Variants in IFNLR1 observed in about 807,000 individuals in gnomAD.
IFNLR1 encodes CRF2-12.
IFNLR1 carries 28 observed loss-of-function variants against 52.5 expected under a neutral mutation model. The ratio of observed to expected loss-of-function variants is 0.53; its 90% CI spans 0.40 to 0.73. IFNLR1 has a LOEUF of 0.73. Among genes scored for constraint, IFNLR1 ranks in the 30% least tolerant of loss-of-function variants. IFNLR1 has a pLI of 0.00. For synonymous variants in IFNLR1, 276 were observed against 274.9 expected, an observed-to-expected ratio of 1.00 and a Z score of -0.04; for missense variants, 623 against 659.1, an observed-to-expected ratio of 0.95 and a Z score of 0.60.
At chr1:24,168,094 A>G (rs1416927922) in intron 3 of IFNLR1, among the ~76,000 whole-genome samples, 6 of 151,920 alleles carry the variant, frequency 3.9e-5, no homozygotes, top group African/African-American at 1.5e-4. Flanking sequence ...CTATCCACAC[A>G]TATTTCCTTC....
chr1:24,159,491 A>C lies in IFNLR1; in HGVS notation c.653T>G (p.Phe218Cys). ...KYSKFSKPTCFLLEVPEANWA... is the reference protein window; with the variant it reads ...KYSKFSKPTCCLLEVPEANWA... Reference sequence around the variant, plus strand: ...ATACCCACCTGGGACCTCCAGCAAGAAGCAGGTGGGCTTAGAGAACTTGCT... The same window carrying C: ...ATACCCACCTGGGACCTCCAGCAAGCAGCAGGTGGGCTTAGAGAACTTGCT... Residue 218 changes from phenylalanine (F) to cysteine (C), a missense_variant, in exon 5 of 7, where the codon TTC becomes TGC. Transcript: ENST00000327535. 1.2e-6 allele frequency: 2 copies of C among 1,614,164 alleles called. No individual in the cohort carries two copies. Among genetic ancestry groups the C allele is most frequent in the African/African-American group, 2.7e-5 (2 of 75,052 alleles).
At chr1:24,185,908 G>C (rs559164167) in intron 1 of IFNLR1, among the ~76,000 whole-genome samples, 2 of 152,344 alleles carry the variant, frequency 1.3e-5, no homozygotes, top group South Asian at 4.1e-4. Context: ...TGCTTCCATG[G>C]AAAGGGCGCT....
chr1:24,187,154 C>A, intron 1 of IFNLR1, 37 bp downstream of exon 1: 1 of 1,317,084 alleles, frequency 7.6e-7, no homozygotes, highest in Non-Finnish European at 9.9e-7. Flanking sequence ...CCCGGGGAGC[C>A]CTCTTCCCCC....
chr1:24,155,803 T>C lies in IFNLR1; in HGVS notation c.*1327A>G, dbSNP rs991204863. The C allele has an allele frequency of 2.0e-5, 3 of 152,244 alleles. No homozygotes were observed. The highest frequency in any genetic ancestry group is 4.4e-5 in the Non-Finnish European group (3 of 68,058). The allele number at this position is 152,244 out of a possible 1,614,324, so 9.4% of individuals were successfully genotyped here. A position where few individuals can be genotyped will look rare whatever the true frequency, so the allele number is the denominator to read the frequency against. ...GGCCACAGAGCCAAGGTTGTTCAGATACTCCACCACAAAACACTTCGGTCC... is the reference window on the plus strand; with the variant it reads ...GGCCACAGAGCCAAGGTTGTTCAGACACTCCACCACAAAACACTTCGGTCC... On this transcript the variant is annotated 3_prime_UTR_variant, in exon 7 of 7. Coordinates refer to ENST00000327535, the MANE Select transcript of IFNLR1 (RefSeq NM_170743.4).
rs910948128 is a variant in IFNLR1 at position 24,157,980 on chromosome 1, C to G, written c.802-89G>C. The G allele has an allele frequency of 9.6e-6, 12 of 1,244,400 alleles. No individual in the cohort carries two copies. In the African/African-American group the frequency reaches 1.7e-4, roughly 17 times the overall value. The allele number at this position is 1,244,400 out of a possible 1,614,324, so 77.1% of individuals were successfully genotyped here. ...TCTGAATTCCCCTAGAAACAGACCT[C>G]AGACAAGGCTTCAAGTGTAAGCAGT... On this transcript the variant is annotated intron_variant, in intron 6 of 6. Coordinates refer to ENST00000327535, the MANE Select transcript of IFNLR1 (RefSeq NM_170743.4). This position sits in a 1 kb window ranked among gnomAD's most constrained non-coding sequence, Gnocchi z 5.1.
intron 1 of IFNLR1, among the ~76,000 whole-genome samples, chr1:24,182,918 C>CAAAT (rs373444078): frequency 2.7e-3 from 405 of 150,206 alleles, no homozygotes; most frequent in Non-Finnish European, 2.3e-3. Context: ...GACTCCATCT[C>CAAAT]AAATAAATAA....
chr1:24,179,912 G>A (rs1467680222), intron 2 of IFNLR1, among the ~76,000 whole-genome samples: 2 of 152,286 alleles, frequency 1.3e-5, no homozygotes, highest in Admixed American at 1.3e-4. Context: ...ATCTATGTTC[G>A]AAGATGGTGG....
At chr1:24,161,427 C>T in intron 4 of IFNLR1, 115 bp downstream of exon 4, 2 of 1,207,790 alleles carry the variant, frequency 1.7e-6, no homozygotes, top group Non-Finnish European at 2.4e-6. Flanking sequence ...CAGGAGTGTA[C>T]AGGGAAGACT....
intron 4 of IFNLR1, among the ~76,000 whole-genome samples, chr1:24,160,927 T>G (rs1644436007): frequency 6.6e-6 from 1 of 151,822 alleles, no homozygotes; most frequent in African/African-American, 2.4e-5. Context: ...TTTCACCATG[T>G]TCCCCAGGCT....
chr1:24,183,505 T>C (rs1386737162), intron 1 of IFNLR1, among the ~76,000 whole-genome samples: 1 of 152,198 alleles, frequency 6.6e-6, no homozygotes, highest in African/African-American at 2.4e-5. Flanking sequence ...GAGTTTCGCC[T>C]GAGCCCAGGA....
chr1:24,169,214 CT>C (rs1644552054), intron 3 of IFNLR1, among the ~76,000 whole-genome samples: 1 of 152,214 alleles, frequency 6.6e-6, no homozygotes, highest in Non-Finnish European at 1.5e-5. Context: ...TGGAGCTCCC[CT>C]AACTCCCTGA....
At chr1:24,186,561 C>T (rs1403535620) in intron 1 of IFNLR1, among the ~76,000 whole-genome samples, 1 of 152,116 alleles carries the variant, frequency 6.6e-6, no homozygotes, top group Non-Finnish European at 1.5e-5. Flanking sequence ...TCTGGACCTT[C>T]TCTTCCCTGC....
intron 3 of IFNLR1, among the ~76,000 whole-genome samples, chr1:24,168,034 T>A (rs549015175): frequency 6.6e-6 from 1 of 152,278 alleles, no homozygotes; most frequent in East Asian, 1.9e-4. Context: ...TCCTATTGGT[T>A]CAGTTTCTCT....
rs1644399153 is a variant in IFNLR1 at position 24,157,802 on chromosome 1, T to G, written c.891A>C (p.Glu297Asp). The G allele has an allele frequency of 6.2e-7, 1 of 1,613,990 alleles. No homozygotes were observed. Among genetic ancestry groups the G allele is most frequent in the Admixed American group, 1.7e-5 (1 of 59,986 alleles). Residue 297 changes from glutamate (E) to aspartate (D), a missense_variant, in exon 7 of 7, where the codon GAA becomes GAC. By Grantham distance (45) the Glu-to-Asp change is conservative. Coordinates refer to ENST00000327535, the MANE Select transcript of IFNLR1 (RefSeq NM_170743.4). The surrounding 1 kb of genome is among the most constrained non-coding windows in gnomAD (Gnocchi z 5.1). ...GCGTCGGCCTGACCCCTCTGGTCAG[T>G]TCCTTTTGGGGACAGAGGAACAAGT... ...VNDLFLCPQK[E>D]LTRGVRPTPR... is the part of the protein sequence containing the mutation.
In IFNLR1 at chr1:24,169,554, G is replaced by A. The variant is rs1336256769; in HGVS notation, c.230C>T (p.Thr77Ile). ...CATCATAGAACATAGCAGCTCCTTGGTTCCCGCACACTCTTCCACTTCGCG... is the reference window on the plus strand; with the variant it reads ...CATCATAGAACATAGCAGCTCCTTGATTCCCGCACACTCTTCCACTTCGCG... ...RWREVEECAG[T>I]KELLCSMMCL... The change falls in exon 3 of 7, where the codon ACC becomes ATC. Residue 77 changes from threonine to isoleucine, a missense_variant. Physicochemically the swap from Thr to Ile is moderately conservative, Grantham distance 89 (BLOSUM62 -1). Coordinates refer to ENST00000327535, the MANE Select transcript of IFNLR1 (RefSeq NM_170743.4). The A allele has an allele frequency of 3.7e-6, 6 of 1,614,056 alleles. No homozygotes were observed. The African/African-American group carries it at 6.7e-5, about 18-fold the overall frequency.
At chr1:24,161,123 C>A (rs753124832) in intron 4 of IFNLR1, among the ~76,000 whole-genome samples, 1 of 152,182 alleles carries the variant, frequency 6.6e-6, no homozygotes, top group East Asian at 1.9e-4. Context: ...TAGTCCTGAG[C>A]GAACATACGG....
intron 3 of IFNLR1, among the ~76,000 whole-genome samples, chr1:24,163,286 C>T (rs1644484207): frequency 1.3e-5 from 2 of 152,128 alleles, no homozygotes; most frequent in Non-Finnish European, 1.5e-5. Flanking sequence ...TAAACACACT[C>T]CCGCAAGACT....
intron 3 of IFNLR1, among the ~76,000 whole-genome samples, chr1:24,164,815 T>G (rs1644502188): frequency 1.3e-5 from 2 of 149,626 alleles, no homozygotes. Context: ...CAGGCTGGAG[T>G]GCAGTGGCAT....
In IFNLR1 at chr1:24,159,201, C is replaced by G; in HGVS notation, c.671-19G>C. The G allele has an allele frequency of 6.2e-7, 1 of 1,613,646 alleles. No individual in the cohort carries two copies. The highest frequency in any genetic ancestry group is 8.5e-7 in the Non-Finnish European group (1 of 1,179,710). On this transcript the variant is annotated intron_variant, in intron 5 of 6. Transcript: ENST00000327535. Reference sequence around the variant, plus strand: ...TTGGCTTCTAAGGAAGGAAAAATAACAATGAGAGAAACAACAATGGCTCTT... The same window carrying G: ...TTGGCTTCTAAGGAAGGAAAAATAAGAATGAGAGAAACAACAATGGCTCTT...
Sources: allele counts gnomAD v4.1 joint callset (sites outside exome capture counted in the v4.1 genomes callset), GRCh38; gene constraint gnomAD v4.1.1; non-coding constraint Gnocchi (gnomAD v3.1); transcripts MANE v1.5; gene names NCBI Gene and HGNC (gene_info 2026-07-23, HGNC 2026-07-21).